The following ATP2B2 variants were observed in gnomAD, a reference collection of about 807,000 sequenced individuals.
ATP2B2 encodes the protein ATPase plasma membrane Ca2+ transporting 2, also known as plasma membrane calcium-transporting ATPase 2.
Under a neutral mutation model 120.0 loss-of-function variants are expected in ATP2B2, and 15 were observed. The observed-to-expected ratio is 0.12, with a 90% CI of 0.08 to 0.19. The LOEUF (loss-of-function observed/expected upper bound fraction) is 0.19, where lower values mean the gene tolerates loss of function less well. Among genes scored for constraint, ATP2B2 ranks in the 10% least tolerant of loss-of-function variants. ATP2B2 has a pLI of 1.00. For synonymous variants in ATP2B2, 694 were observed against 700.3 expected (o/e 0.99, Z 0.14); for missense variants, 1,045 against 1,719.8 (o/e 0.61, Z 6.94).
chr3:10,335,803 C>T (rs1317513627), intron 22 of ATP2B2, among the ~76,000 whole-genome samples: 1 of 152,206 alleles, frequency 6.6e-6, no homozygotes, highest in Non-Finnish European at 1.5e-5. Context: ...CTGTCCCCCT[C>T]TGGCTGCCGG....
At chr3:10,527,720 T>C (rs1039534733) in intron 3 of ATP2B2, among the ~76,000 whole-genome samples, 6 of 151,950 alleles carry the variant, frequency 3.9e-5, no homozygotes, top group Non-Finnish European at 8.8e-5. Context: ...CTGTGGGGAG[T>C]GCCTCGCGAA....
intron 2 of ATP2B2, among the ~76,000 whole-genome samples, chr3:10,610,487 T>A (rs1421024690): frequency 6.6e-6 from 1 of 152,114 alleles, no homozygotes; most frequent in Non-Finnish European, 1.5e-5. Flanking sequence ...CCCAGCCCAC[T>A]CACCCCAAGA....
Position 10,362,808 on chromosome 3 carries a change from A to G in ATP2B2, c.1660-2685T>C, listed in dbSNP as rs531011305. ...GAAGTTTGGGAAAATAAGTTCTAAGATCTTCCCTTTCTCTCTGCAGTATGC... is the reference window on the plus strand; with the variant it reads ...GAAGTTTGGGAAAATAAGTTCTAAGGTCTTCCCTTTCTCTCTGCAGTATGC... On this transcript the variant is annotated intron_variant, in intron 12 of 22. Coordinates refer to ENST00000360273, the MANE Select transcript of ATP2B2 (RefSeq NM_001001331.4). Among the ~76,000 whole-genome samples the G allele has an allele frequency of 4.5e-4, 68 of 152,180 alleles. 1 individual carries two copies. Among genetic ancestry groups the G allele is most frequent in the African/African-American group, 1.4e-3 (59 of 41,516 alleles).
chr3:10,554,019 C>A (rs1301129628), intron 2 of ATP2B2, among the ~76,000 whole-genome samples: 1 of 29,642 alleles, frequency 3.4e-5, no homozygotes, highest in African/African-American at 1.3e-4. Flanking sequence ...TCTAGTGGGG[C>A]GGGGGTGGGG....
chr3:10,510,040 C>A (rs532690881), upstream of ATP2B2, among the ~76,000 whole-genome samples: 1 of 152,312 alleles, frequency 6.6e-6, no homozygotes, highest in South Asian at 2.1e-4. Flanking sequence ...AAAATGCTGG[C>A]GGAGAGTAGG....
At chr3:10,647,009 C>A (rs953626123) in intron 1 of ATP2B2, among the ~76,000 whole-genome samples, 1 of 152,068 alleles carries the variant, frequency 6.6e-6, no homozygotes, top group Non-Finnish European at 1.5e-5. Flanking sequence ...GAATGATGGA[C>A]TACAAAGGGA....
chr3:10,565,034 G>A (rs560920973), intron 2 of ATP2B2, among the ~76,000 whole-genome samples: 1 of 152,154 alleles, frequency 6.6e-6, no homozygotes, highest in Admixed American at 6.5e-5. Context: ...TTAAAACACT[G>A]GGGGGTGTGT....
intron 1 of ATP2B2, among the ~76,000 whole-genome samples, chr3:10,454,240 G>A (rs1489674130): frequency 6.6e-6 from 1 of 152,170 alleles, no homozygotes; most frequent in African/African-American, 2.4e-5. Flanking sequence ...CAGGTGCTGT[G>A]GACACACAAA....
chr3:10,651,798 G>A (rs966727008), intron 1 of ATP2B2, among the ~76,000 whole-genome samples: 2 of 149,358 alleles, frequency 1.3e-5, no homozygotes, highest in African/African-American at 4.8e-5. Flanking sequence ...AATGGATGAA[G>A]GTGGTAGTAG....
intron 5 of ATP2B2, among the ~76,000 whole-genome samples, chr3:10,397,100 G>A (rs1343139139): frequency 6.6e-6 from 1 of 152,224 alleles, no homozygotes; most frequent in Non-Finnish European, 1.5e-5. Context: ...CAGCAAGTTC[G>A]CTTGAGAGCT....
intron 2 of ATP2B2, among the ~76,000 whole-genome samples, chr3:10,412,098 C>T (rs2062630180): frequency 6.6e-6 from 1 of 152,240 alleles, no homozygotes; most frequent in South Asian, 2.1e-4. Flanking sequence ...CATGTGGCTT[C>T]CACCCAGCAG....
chr3:10,636,513 T>G (rs550828995), intron 1 of ATP2B2, among the ~76,000 whole-genome samples: 29 of 152,306 alleles, frequency 1.9e-4, no homozygotes, highest in African/African-American at 6.3e-4. Context: ...TGATTTAAAC[T>G]GCTTGGGAAA....
In ATP2B2 at chr3:10,462,034, T is replaced by C. The variant is rs900728083; in HGVS notation, c.-319-12172A>G. On this transcript the variant is annotated intron_variant, in intron 1 of 22. Coordinates refer to ENST00000360273, the MANE Select transcript of ATP2B2 (RefSeq NM_001001331.4). ...CATGGCTTCTCTGTTTTGGGGTAAC[T>C]GTAGGTTTCCCCATGGTCCTGCCCT... 2.0e-5 allele frequency among the ~76,000 whole-genome samples: 3 copies of C among 152,134 alleles called. No homozygotes were observed. In the East Asian group the frequency reaches 5.8e-4, roughly 29 times the overall value.
chr3:10,555,106 T>A (rs920867682), intron 2 of ATP2B2, among the ~76,000 whole-genome samples: 23 of 152,356 alleles, frequency 1.5e-4, no homozygotes, highest in African/African-American at 5.5e-4. Flanking sequence ...CCAAAGCCTA[T>A]GGCCTCAGTG....
intron 17 of ATP2B2, 120 bp from the exon 18 acceptor site, chr3:10,345,695 A>G (rs1327650855): frequency 2.1e-6 from 2 of 962,218 alleles, no homozygotes; most frequent in East Asian, 5.2e-5. Flanking sequence ...GGCCCAGCAC[A>G]GCCAGACCAC....
chr3:10,359,105 C>T (rs1181808948), intron 13 of ATP2B2, among the ~76,000 whole-genome samples, 180 bp from the exon 14 acceptor site: 1 of 152,222 alleles, frequency 6.6e-6, no homozygotes, highest in Admixed American at 6.5e-5. Flanking sequence ...GCCCAGGCCA[C>T]TCAGCAAGCG....
chr3:10,383,779 G>T (rs1230380097), intron 8 of ATP2B2, among the ~76,000 whole-genome samples: 3 of 152,324 alleles, frequency 2.0e-5, no homozygotes, highest in South Asian at 4.1e-4. Context: ...AGGTGGTCAA[G>T]AAATGAACGT....
intron 1 of ATP2B2, among the ~76,000 whole-genome samples, chr3:10,467,689 C>T (rs916261686): frequency 6.6e-6 from 1 of 152,140 alleles, no homozygotes; most frequent in South Asian, 2.1e-4. Context: ...TGCTGTGTAC[C>T]GAGCCCCAGC....
At chr3:10,470,505 G>A (rs1160799453) in intron 1 of ATP2B2, among the ~76,000 whole-genome samples, 2 of 152,220 alleles carry the variant, frequency 1.3e-5, no homozygotes, top group East Asian at 3.8e-4. Context: ...CCAGCTGGTT[G>A]ACTTTGATCT....
Sources: gnomAD v4.1 joint callset for allele counts (sites outside exome capture counted in the v4.1 genomes callset) on GRCh38, gnomAD v4.1.1 for gene constraint, MANE v1.5 for transcripts, NCBI Gene and HGNC (gene_info 2026-07-23, HGNC 2026-07-21) for gene names.